The following PDZD8 variants were observed in gnomAD, a reference collection of about 807,000 sequenced individuals.
PDZD8 encodes PDZ domain-containing protein 8.
PDZD8 carries 14 observed loss-of-function variants against 85.8 expected under a neutral mutation model. The observed-to-expected ratio is 0.16, with a 90% CI of 0.11 to 0.26. The LOEUF is 0.26. Ranked by LOEUF, PDZD8 falls within the 10% of genes least tolerant of loss-of-function variation. The pLI is 1.00. For missense variants in PDZD8, 1,197 were observed against 1,424.3 expected, an observed-to-expected ratio of 0.84 and a Z score of 2.57; for synonymous variants, 592 against 568.6, an observed-to-expected ratio of 1.04 and a Z score of -0.59.
chr10:117,374,963 GGGCGGGGGTCTCGGGGGCCGC>G lies in PDZD8; in HGVS notation c.244_264del (p.Ala82_Ala88del). 2 of 1,608,956 alleles carry G rather than the reference GGGCGGGGGTCTCGGGGGCCGC, an allele frequency of 1.2e-6. No individual in the cohort carries two copies. Among genetic ancestry groups the G allele is most frequent in the African/African-American group, 2.7e-5 (2 of 74,952 alleles). On this transcript the variant is annotated inframe_deletion, in exon 1 of 5. Transcript: ENST00000334464. The surrounding 1 kb of genome is among the most constrained non-coding windows in gnomAD (Gnocchi z 7.8). ...AAGTAGCAAGTCTCCCGCGTCGGCG[GGGCGGGGGTCTCGGGGGCCGC>G]GGTGGGGGTCGCGCCGCCCTCAGGG...
Position 117,284,255 on chromosome 10 carries a change from T to A in PDZD8, c.2478A>T (p.Lys826Asn). 1 of 1,614,184 alleles carries A rather than the reference T, an allele frequency of 6.2e-7. No homozygotes were observed. ...CCATCTGTCCAACAAATTGCTCCTCTTTAGGGAGAACAGAAACTTCTTCAA... is the reference window on the plus strand; with the variant it reads ...CCATCTGTCCAACAAATTGCTCCTCATTAGGGAGAACAGAAACTTCTTCAA... ...HLVEEVSVLP[K>N]EEQFVGQMGL... The change falls in exon 5 of 5, where the codon AAA becomes AAT. Residue 826 changes from lysine to asparagine, a missense_variant. Physicochemically the swap from Lys to Asn is moderately conservative, Grantham distance 94. Coordinates refer to ENST00000334464, the MANE Select transcript of PDZD8 (RefSeq NM_173791.5).
intron 2 of PDZD8, among the ~76,000 whole-genome samples, chr10:117,337,577 T>A (rs945034948): frequency 2.0e-5 from 3 of 152,202 alleles, no homozygotes; most frequent in Admixed American, 2.0e-4. Flanking sequence ...CTTTACAATA[T>A]GAGACCTTTT....
At chr10:117,330,211 T>C (rs1164329060) in intron 2 of PDZD8, among the ~76,000 whole-genome samples, 2 of 151,756 alleles carry the variant, frequency 1.3e-5, no homozygotes, top group Non-Finnish European at 2.9e-5. Flanking sequence ...CCAACCCCCC[T>C]CAGAAACATC....
intron 2 of PDZD8, 35 bp downstream of exon 2, chr10:117,340,945 C>T: frequency 6.2e-7 from 1 of 1,610,966 alleles, no homozygotes; most frequent in Non-Finnish European, 8.5e-7. Context: ...CACTGTTCTT[C>T]CCGTAACTTA....
At chr10:117,322,805 G>A (rs1447257909) in intron 2 of PDZD8, among the ~76,000 whole-genome samples, 2 of 152,136 alleles carry the variant, frequency 1.3e-5, no homozygotes, top group Non-Finnish European at 2.9e-5. Flanking sequence ...ACCATGAGAA[G>A]ATAAGCCTGG....
intron 3 of PDZD8, among the ~76,000 whole-genome samples, chr10:117,307,090 G>C (rs1172393376): frequency 6.6e-6 from 1 of 152,070 alleles, no homozygotes; most frequent in South Asian, 2.1e-4. Flanking sequence ...ACTACTGCCT[G>C]TTGGCTACTT....
rs1254450245 is a variant in PDZD8, at chr10:117,283,019, AT to A, written c.*248del. On this transcript the variant is annotated 3_prime_UTR_variant, in exon 5 of 5. Transcript: ENST00000334464. ...ATAATTACATAATTAGAAAAGTTAAATAATTTAGTAAAAATAAATTCCCAGT... is the reference window on the plus strand; with the variant it reads ...ATAATTACATAATTAGAAAAGTTAAAAATTTAGTAAAAATAAATTCCCAGT... 1 of 421,500 alleles carries A rather than the reference AT, an allele frequency of 2.4e-6. No individual in the cohort carries two copies. The highest frequency in any genetic ancestry group is 2.1e-5 in the African/African-American group (1 of 48,778). The allele number at this position is 421,500 out of a possible 1,614,324, so 26.1% of individuals were successfully genotyped here.
chr10:117,300,621 A>G (rs916026827), intron 3 of PDZD8, among the ~76,000 whole-genome samples: 5 of 152,182 alleles, frequency 3.3e-5, no homozygotes, highest in Admixed American at 6.6e-5. Context: ...TGAACTAAAT[A>G]TATGTGTTCC....
At chr10:117,339,441 C>G (rs2133843898) in intron 2 of PDZD8, among the ~76,000 whole-genome samples, 1 of 152,276 alleles carries the variant, frequency 6.6e-6, no homozygotes, top group East Asian at 1.9e-4. Context: ...AAGAAAGCAG[C>G]AGCTAGTCAA....
chr10:117,286,052 C>G (rs951804540), intron 4 of PDZD8, among the ~76,000 whole-genome samples: 2 of 152,132 alleles, frequency 1.3e-5, no homozygotes, highest in Non-Finnish European at 2.9e-5. Flanking sequence ...TTTTTCAAAA[C>G]CAGAAAGAAC....
rs771962858 is a variant in PDZD8 at position 117,277,278 on chromosome 10, C to CA, written c.*5989dup. 19 of 1,462,572 alleles carry CA rather than the reference C, an allele frequency of 1.3e-5. No homozygotes were observed. The highest frequency in any genetic ancestry group is 1.7e-5 in the Non-Finnish European group (18 of 1,045,588). 90.6% of individuals were successfully genotyped at this position (1,462,572 alleles called of 1,614,324 possible). A position where few individuals can be genotyped will look rare whatever the true frequency, so the allele number is the denominator to read the frequency against. ...CTGAAAGTGACTGAGATGAGATCCTCAAAAATCATCAAAGTGTTTAATTGT... is the reference window on the plus strand; with the variant it reads ...CTGAAAGTGACTGAGATGAGATCCTCAAAAAATCATCAAAGTGTTTAATTGT... On this transcript the variant is annotated 3_prime_UTR_variant, in exon 5 of 5. Coordinates refer to ENST00000334464, the MANE Select transcript of PDZD8 (RefSeq NM_173791.5).
chr10:117,300,064 C>T (rs896646156), intron 3 of PDZD8, among the ~76,000 whole-genome samples: 2 of 41,022 alleles, frequency 4.9e-5, no homozygotes, highest in Non-Finnish European at 1.6e-4. Context: ...TATGAGAAAC[C>T]CCCCCCATGT....
chr10:117,342,876 A>T (rs1332158193), intron 1 of PDZD8, among the ~76,000 whole-genome samples: 2 of 152,250 alleles, frequency 1.3e-5, no homozygotes, highest in Non-Finnish European at 2.9e-5. Flanking sequence ...GACACTATGA[A>T]TATTCCTGCC....
At chr10:117,285,915 T>G (rs1297446655) in intron 4 of PDZD8, 1 of 173,094 alleles carries the variant, frequency 5.8e-6, no homozygotes, top group African/African-American at 2.4e-5. Context: ...ACTCCAGGGA[T>G]TACAAGACAT....
rs1844860761 is a variant in PDZD8 at position 117,354,580 on chromosome 10, T to C, written c.873-13478A>G. Among the ~76,000 whole-genome samples, 3 of 152,264 alleles carry C rather than the reference T, an allele frequency of 2.0e-5. No individual in the cohort carries two copies. In the South Asian group the frequency reaches 6.2e-4, roughly 32 times the overall value. ...CTCACCTGTTTAACAAATAGGCTTA[T>C]TTGAGAATAGAGAGACCAGTCAAAG... On this transcript the variant is annotated intron_variant, in intron 1 of 4. Transcript: ENST00000334464.
intron 1 of PDZD8, among the ~76,000 whole-genome samples, chr10:117,364,491 ACG>A (rs1211343569): frequency 1.3e-5 from 2 of 149,246 alleles, no homozygotes; most frequent in East Asian, 2.0e-4. Flanking sequence ...ACACACACAC[ACG>A]CATATTTCCG....
intron 1 of PDZD8, among the ~76,000 whole-genome samples, chr10:117,359,008 T>C (rs1844947543): frequency 6.6e-6 from 1 of 152,206 alleles, no homozygotes; most frequent in Admixed American, 6.5e-5. Flanking sequence ...TGGCTGTTTG[T>C]CTTCCTTGGG....
chr10:117,309,858 C>T (rs747160567), intron 3 of PDZD8, among the ~76,000 whole-genome samples: 57 of 152,044 alleles, frequency 3.7e-4, no homozygotes, highest in Non-Finnish European at 6.6e-4. Context: ...GTGGATGAAA[C>T]GGGTTTGGGG....
chr10:117,336,599 C>A (rs1303069335), intron 2 of PDZD8, among the ~76,000 whole-genome samples: 1 of 150,164 alleles, frequency 6.7e-6, no homozygotes, highest in Non-Finnish European at 1.5e-5. Flanking sequence ...AAGATAAATG[C>A]AGAACAGCTT....
Sources: gnomAD v4.1 joint callset for allele counts (sites outside exome capture counted in the v4.1 genomes callset) on GRCh38, gnomAD v4.1.1 for gene constraint, Gnocchi (gnomAD v3.1) non-coding constraint, MANE v1.5 for transcripts, NCBI Gene and HGNC (gene_info 2026-07-23, HGNC 2026-07-21) for gene names.